The following PCSK2 variants were observed in gnomAD, a reference collection of about 807,000 sequenced individuals.
The protein encoded by PCSK2 is proprotein convertase subtilisin/kexin type 2, also known as neuroendocrine convertase 2.
In PCSK2, 14 loss-of-function variants were observed where a neutral mutation model predicts 69.7. The ratio of observed to expected loss-of-function variants is 0.20; its 90% CI spans 0.13 to 0.31. The LOEUF (loss-of-function observed/expected upper bound fraction) is 0.31. PCSK2 is among the 10% of genes least tolerant of loss of function. The probability of loss-of-function intolerance (pLI) is 1.00; values close to 1 mark genes in which losing one functional copy is unlikely to be tolerated. For missense variants in PCSK2, 544 were observed against 842.5 expected (o/e 0.65, Z 4.39); for synonymous variants, 307 against 320.7 (o/e 0.96, Z 0.46).
intron 2 of PCSK2, among the ~76,000 whole-genome samples, chr20:17,303,478 T>TTA (rs1568593492): frequency 3.2e-5 from 3 of 94,138 alleles, no homozygotes; most frequent in African/African-American, 4.9e-5. Flanking sequence ...ATATTATATA[T>TTA]AATATATATT....
chr20:17,282,250 A>AAC (rs546372327), intron 2 of PCSK2, among the ~76,000 whole-genome samples: 48 of 151,484 alleles, frequency 3.2e-4, no homozygotes, highest in African/African-American at 8.7e-4. Context: ...CACACACATA[A>AAC]ACACACACAC....
intron 1 of PCSK2, among the ~76,000 whole-genome samples, chr20:17,257,143 CTTA>C (rs1987206273): frequency 6.6e-6 from 1 of 152,052 alleles, no homozygotes; most frequent in Admixed American, 6.6e-5. Context: ...AAGGAAGATA[CTTA>C]CGTGGCCAAC....
chr20:17,272,891 C>G (rs1987925324), intron 2 of PCSK2, among the ~76,000 whole-genome samples: 1 of 152,110 alleles, frequency 6.6e-6, no homozygotes, highest in African/African-American at 2.4e-5. Flanking sequence ...TCTGAGAAAT[C>G]AGTTTATTTG....
chr20:17,438,324 C>T (rs2032527585), intron 8 of PCSK2, among the ~76,000 whole-genome samples: 1 of 152,110 alleles, frequency 6.6e-6, no homozygotes, highest in South Asian at 2.1e-4. Context: ...ACATTGATAA[C>T]ACTAAAATAA....
At chr20:17,250,704 A>G (rs1036208005) in intron 1 of PCSK2, among the ~76,000 whole-genome samples, 1 of 152,138 alleles carries the variant, frequency 6.6e-6, no homozygotes, top group African/African-American at 2.4e-5. Flanking sequence ...TTAATTTCTT[A>G]TTTTAAAAAA....
intron 2 of PCSK2, among the ~76,000 whole-genome samples, chr20:17,347,120 A>G (rs1281520611): frequency 1.3e-5 from 2 of 152,138 alleles, no homozygotes; most frequent in Non-Finnish European, 2.9e-5. Flanking sequence ...CAACCTCTCT[A>G]AATGAGGGCA....
intron 5 of PCSK2, among the ~76,000 whole-genome samples, chr20:17,390,197 G>A (rs567837252): frequency 3.3e-5 from 5 of 152,234 alleles, no homozygotes; most frequent in African/African-American, 4.8e-5. Context: ...CTCTAAAGCC[G>A]GCAGAATTCA....
chr20:17,378,593 ATGGATGGATGGAT>A (rs2030996986), intron 5 of PCSK2, among the ~76,000 whole-genome samples: 2 of 75,378 alleles, frequency 2.7e-5, no homozygotes, highest in African/African-American at 1.8e-4. Flanking sequence ...GGATGGACGG[ATGGATGGATGGAT>A]GGATGGATGG....
intron 8 of PCSK2, among the ~76,000 whole-genome samples, chr20:17,445,674 CG>C (rs1404772465): frequency 4.6e-5 from 7 of 152,218 alleles, no homozygotes; most frequent in African/African-American, 1.7e-4. Context: ...AGCCACGGGT[CG>C]TACACCATGG....
chr20:17,336,712 T>C (rs1335158729), intron 2 of PCSK2, among the ~76,000 whole-genome samples: 2 of 152,202 alleles, frequency 1.3e-5, no homozygotes, highest in African/African-American at 4.8e-5. Flanking sequence ...TGCTAATTGA[T>C]AATACAGCTC....
chr20:17,227,612 C>G, intron 1 of PCSK2, 130 bp downstream of exon 1: 3 of 662,012 alleles, frequency 4.5e-6, no homozygotes, highest in South Asian at 3.9e-5. Context: ...GCCATGGGCT[C>G]TTTAACACGA....
chr20:17,367,305 C>G (rs930254554), intron 4 of PCSK2, among the ~76,000 whole-genome samples: 3 of 152,134 alleles, frequency 2.0e-5, no homozygotes, highest in Non-Finnish European at 4.4e-5. Context: ...GATGTTAGGA[C>G]TAATGATGAT....
intron 1 of PCSK2, among the ~76,000 whole-genome samples, chr20:17,255,662 C>T (rs541188612): frequency 1.3e-5 from 2 of 152,138 alleles, no homozygotes; most frequent in African/African-American, 2.4e-5. Context: ...TTTTTTAAAA[C>T]GTATTTATTA....
At chr20:17,412,867 GA>G (rs1440279366) in intron 6 of PCSK2, among the ~76,000 whole-genome samples, 5 of 152,160 alleles carry the variant, frequency 3.3e-5, no homozygotes, top group Non-Finnish European at 5.9e-5. Context: ...GGAGAGTGGG[GA>G]CCAATATTCA....
intron 6 of PCSK2, among the ~76,000 whole-genome samples, chr20:17,419,426 A>C (rs896259090): frequency 1.3e-5 from 2 of 152,254 alleles, no homozygotes; most frequent in Non-Finnish European, 2.9e-5. Context: ...AATGAGCAAA[A>C]TACATTTGAC....
rs151256466 is a variant in PCSK2 at position 17,480,350 on chromosome 20, C to T, written c.1431-1234C>T. ...GACTACAGGCGCCCACCACCAAGCC[C>T]GGCTAATTTTTCGTATTTTTAGTAG... On this transcript the variant is annotated intron_variant, in intron 11 of 11. Coordinates refer to ENST00000262545, the MANE Select transcript of PCSK2 (RefSeq NM_002594.5). 1.1e-3 allele frequency among the ~76,000 whole-genome samples: 160 copies of T among 152,060 alleles called. 2 individuals are homozygous for T. Among genetic ancestry groups the T allele is most frequent in the Non-Finnish European group, 1.3e-3 (86 of 67,978 alleles).
intron 8 of PCSK2, among the ~76,000 whole-genome samples, chr20:17,443,613 G>A (rs2032640360): frequency 6.6e-6 from 1 of 152,176 alleles, no homozygotes; most frequent in African/African-American, 2.4e-5. Flanking sequence ...CGGGAAGGTA[G>A]GAGATGTGTG....
intron 2 of PCSK2, among the ~76,000 whole-genome samples, chr20:17,280,462 C>A (rs963484672): frequency 2.4e-4 from 37 of 152,248 alleles, no homozygotes; most frequent in African/African-American, 7.9e-4. Flanking sequence ...CAGAATGATG[C>A]CATGTGGAAG....
intron 1 of PCSK2, among the ~76,000 whole-genome samples, chr20:17,257,749 A>G (rs1449580084): frequency 6.6e-6 from 1 of 152,218 alleles, no homozygotes; most frequent in Non-Finnish European, 1.5e-5. Flanking sequence ...AGAGACATCA[A>G]GTCAACTAAA....
Sources: allele counts gnomAD v4.1 joint callset (sites outside exome capture counted in the v4.1 genomes callset), GRCh38; gene constraint gnomAD v4.1.1; transcripts MANE v1.5; gene names NCBI Gene and HGNC (gene_info 2026-07-23, HGNC 2026-07-21).